The following TBC1D22A variants were observed in gnomAD, a reference collection of about 807,000 sequenced individuals.
The protein encoded by TBC1D22A is putative GTPase activator.
In TBC1D22A, 38 loss-of-function variants were observed where a neutral mutation model predicts 60.2. That is an observed-to-expected ratio of 0.63 (90% CI 0.49 to 0.83). TBC1D22A has a LOEUF of 0.83. Ranked by LOEUF, TBC1D22A falls within the 40% of genes least tolerant of loss-of-function variation. TBC1D22A has a pLI of 0.00. For missense variants in TBC1D22A, 628 were observed against 701.0 expected, an observed-to-expected ratio of 0.90 and a Z score of 1.18; for synonymous variants, 302 against 281.7, an observed-to-expected ratio of 1.07 and a Z score of -0.72.
rs143863880 is a variant in TBC1D22A at position 46,864,772 on chromosome 22, AGGGAGTACCGT to A, written c.638-13877_638-13867del. The stretch of plus-strand genomic sequence containing the variant: ...TTATGGAGTGCCAGTGGTGTTCCCG[AGGGAGTACCGT>A]GGGCAGCTCCTGGCTGGATTGATTC... On this transcript the variant is annotated intron_variant, in intron 4 of 12. Coordinates refer to ENST00000337137, the MANE Select transcript of TBC1D22A (RefSeq NM_014346.5). Among the ~76,000 whole-genome samples the A allele has an allele frequency of 4.8e-3, 724 of 152,250 alleles. 10 individuals carry two copies. Among genetic ancestry groups the A allele is most frequent in the African/African-American group, 0.016 (676 of 41,552 alleles).
chr22:47,038,053 C>T (rs2062712169), intron 11 of TBC1D22A, among the ~76,000 whole-genome samples: 3 of 152,208 alleles, frequency 2.0e-5, no homozygotes, highest in East Asian at 3.8e-4. Context: ...ATCACTTATT[C>T]TAGCACCTTT....
intron 11 of TBC1D22A, among the ~76,000 whole-genome samples, chr22:47,109,489 T>C (rs1004912816): frequency 2.0e-5 from 3 of 152,216 alleles, no homozygotes; most frequent in African/African-American, 7.2e-5. Context: ...TGGTCATTCC[T>C]GTGGGTCGTT....
Position 46,836,619 on chromosome 22 carries a change from G to C in TBC1D22A, c.637+38999G>C, listed in dbSNP as rs575435350. On this transcript the variant is annotated intron_variant, in intron 4 of 12. Transcript: ENST00000337137. ...AAAACAACAACCTGGCCATAGTTAA[G>C]TCCTTACCAATCGGTAATTACTTTA... Among the ~76,000 whole-genome samples, 25 of 152,098 alleles carry C rather than the reference G, an allele frequency of 1.6e-4. No individual in the cohort carries two copies. The South Asian group carries it at 5.0e-3, about 30-fold the overall frequency.
At chr22:47,021,721 T>A (rs2062097422) in intron 10 of TBC1D22A, among the ~76,000 whole-genome samples, 2 of 152,366 alleles carry the variant, frequency 1.3e-5, no homozygotes, top group South Asian at 4.1e-4. Flanking sequence ...TATGTTGTTT[T>A]AAGCTGCTAA....
At chr22:47,163,264 C>T (rs905770152) in intron 12 of TBC1D22A, among the ~76,000 whole-genome samples, 1 of 152,248 alleles carries the variant, frequency 6.6e-6, no homozygotes, top group African/African-American at 2.4e-5. Flanking sequence ...GTCTGGCATC[C>T]AGGGCAGAGG....
intron 11 of TBC1D22A, among the ~76,000 whole-genome samples, chr22:47,047,748 T>C (rs2063076508): frequency 1.3e-5 from 2 of 152,246 alleles, no homozygotes; most frequent in African/African-American, 2.4e-5. Context: ...TGTGGAGGGT[T>C]CAGAGCTGGG....
chr22:46,990,479 C>T lies in TBC1D22A; in HGVS notation c.1126-7155C>T, dbSNP rs1440114456. ...TCTCACATCACTGACTTCAGTGTGG[C>T]ATATGTGTTACAATTGAGGAGCCAA... On this transcript the variant is annotated intron_variant, in intron 9 of 12. Transcript: ENST00000337137. This position sits in a 1 kb window ranked among gnomAD's most constrained non-coding sequence, Gnocchi z 4.6. Among the ~76,000 whole-genome samples the T allele has an allele frequency of 1.3e-5, 2 of 152,132 alleles. No homozygotes were observed. The highest frequency in any genetic ancestry group is 2.9e-5 in the Non-Finnish European group (2 of 68,040).
chr22:46,938,388 G>A (rs895886997), intron 8 of TBC1D22A, among the ~76,000 whole-genome samples: 3 of 152,116 alleles, frequency 2.0e-5, no homozygotes, highest in South Asian at 2.1e-4. Context: ...AGTAGGCTTC[G>A]CTCTAGGTGT....
chr22:47,098,556 T>A (rs1000041121), intron 11 of TBC1D22A, among the ~76,000 whole-genome samples: 4 of 149,688 alleles, frequency 2.7e-5, no homozygotes, highest in African/African-American at 1.0e-4. Context: ...AGGCAAGGCA[T>A]CCCCCCGACT....
intron 4 of TBC1D22A, among the ~76,000 whole-genome samples, chr22:46,799,843 C>T (rs755730867): frequency 2.0e-4 from 30 of 152,208 alleles, no homozygotes; most frequent in Non-Finnish European, 3.5e-4. Flanking sequence ...AGCGGGGGCA[C>T]GTGGTGCTGG....
In TBC1D22A at chr22:46,974,276, T is replaced by A; in HGVS notation, c.1016-14T>A. 1 of 1,574,638 alleles carries A rather than the reference T, an allele frequency of 6.4e-7. No homozygotes were observed. The highest frequency in any genetic ancestry group is 8.6e-7 in the Non-Finnish European group (1 of 1,160,100). On this transcript the variant is annotated splice_polypyrimidine_tract_variant and intron_variant, in intron 8 of 12. Coordinates refer to ENST00000337137, the MANE Select transcript of TBC1D22A (RefSeq NM_014346.5). The stretch of plus-strand genomic sequence containing the variant: ...CTAAGTCTCCTTGTCTTTTGCATGC[T>A]CGGCGCCGCCCAGAGGCAGAGGAGG...
At chr22:46,764,083 A>T (rs1214088500) in intron 1 of TBC1D22A, 1 of 152,226 alleles carries the variant, frequency 6.6e-6, no homozygotes, top group Non-Finnish European at 1.5e-5. Flanking sequence ...AATAAGAGCG[A>T]AACTCTGTCT....
rs182204072 is a variant in TBC1D22A, at chr22:47,078,408, C to A, written c.1330-33100C>A. ...TGTATGCAAGTGTGCCCCCTCCCCT[C>A]CCCGGAGAGCTAAGACAGGTGAGAA... On this transcript the variant is annotated intron_variant, in intron 11 of 12. Transcript: ENST00000337137. Among the ~76,000 whole-genome samples the A allele has an allele frequency of 3.9e-4, 59 of 152,350 alleles. 1 individual carries two copies. The highest frequency in any genetic ancestry group is 1.4e-3 in the African/African-American group (59 of 41,584).
chr22:46,805,238 C>T (rs150842867), intron 4 of TBC1D22A, among the ~76,000 whole-genome samples: 21 of 152,320 alleles, frequency 1.4e-4, no homozygotes, highest in Admixed American at 2.6e-4. Context: ...GAGCCACCAG[C>T]GGTCAGTCTC....
At chr22:46,962,487 A>G (rs775003356) in intron 8 of TBC1D22A, among the ~76,000 whole-genome samples, 14 of 152,210 alleles carry the variant, frequency 9.2e-5, no homozygotes, top group Non-Finnish European at 1.6e-4. Context: ...TCACCTGCCA[A>G]TTTCACTTGA....
At chr22:46,844,398 C>T (rs1048539857) in intron 4 of TBC1D22A, among the ~76,000 whole-genome samples, 53 of 152,150 alleles carry the variant, frequency 3.5e-4, no homozygotes, top group Admixed American at 3.3e-4. Flanking sequence ...GCCCTGTCTC[C>T]CTCTGATTGT....
At chr22:47,173,167 C>G (rs2068555775) in intron 12 of TBC1D22A, among the ~76,000 whole-genome samples, 1 of 152,248 alleles carries the variant, frequency 6.6e-6, no homozygotes, top group South Asian at 2.1e-4. Flanking sequence ...CACGACATCT[C>G]AGATGCCGGA....
chr22:47,155,693 T>C (rs1030187606), intron 12 of TBC1D22A, among the ~76,000 whole-genome samples: 3 of 148,262 alleles, frequency 2.0e-5, no homozygotes, highest in African/African-American at 7.5e-5. Flanking sequence ...ACCACGGCCG[T>C]TCTCCCACGG....
In TBC1D22A at chr22:46,997,642, C is replaced by G; in HGVS notation, c.1134C>G (p.Tyr378Ter). Reference protein sequence around the residue: ...SKLLDGIQDNYTFAQPGIQMK... With the variant: ...SKLLDGIQDN The stretch of plus-strand genomic sequence containing the variant: ...TATTCTTTTTTCCTTAGGACAACTA[C>G]ACCTTTGCCCAACCTGGGATTCAAA... Residue 378 changes from tyrosine (Y) to a stop codon, truncating the protein, a stop_gained, in exon 10 of 13, where the codon TAC becomes TAG. Coordinates refer to ENST00000337137, the MANE Select transcript of TBC1D22A (RefSeq NM_014346.5). LOFTEE classifies it high-confidence loss of function. The G allele has an allele frequency of 6.2e-7, 1 of 1,613,670 alleles. No homozygotes were observed. The highest frequency in any genetic ancestry group is 2.2e-5 in the East Asian group (1 of 44,886).
Sources: allele counts gnomAD v4.1 joint callset (sites outside exome capture counted in the v4.1 genomes callset), GRCh38; gene constraint gnomAD v4.1.1; non-coding constraint Gnocchi (gnomAD v3.1); transcripts MANE v1.5; gene names NCBI Gene and HGNC (gene_info 2026-07-23, HGNC 2026-07-21).